The following MED16 variants were observed in gnomAD, a reference collection of about 807,000 sequenced individuals.
The protein encoded by MED16 is mediator complex subunit 16.
Under a neutral mutation model 84.4 loss-of-function variants are expected in MED16, and 81 were observed. That is an observed-to-expected ratio of 0.96 (90% CI 0.80 to 1.15). MED16 has a LOEUF of 1.15. Among genes scored for constraint, MED16 ranks in the 50% most tolerant of loss-of-function variants. The pLI is 0.00. For synonymous variants in MED16, 897 were observed against 552.2 expected, an observed-to-expected ratio of 1.62 and a Z score of -8.76; for missense variants, 1,585 against 1,245.9, an observed-to-expected ratio of 1.27 and a Z score of -4.10.
At chr19:872,570 A>G (rs1259528074) in intron 11 of MED16, among the ~76,000 whole-genome samples, 2 of 148,964 alleles carry the variant, frequency 1.3e-5, no homozygotes, top group Non-Finnish European at 3.0e-5. Flanking sequence ...GGCGCGGTGG[A>G]GAAGGGCGGG....
intron 6 of MED16, among the ~76,000 whole-genome samples, chr19:881,989 G>A (rs1437432775): frequency 6.6e-6 from 1 of 152,260 alleles, no homozygotes. Flanking sequence ...CGATGGGGCA[G>A]ACAGTGGGGA....
rs1432847504 is a variant in MED16 at position 877,003 on chromosome 19, ACTC to A, written c.1528_1530del (p.Glu510del). 5 of 1,610,650 alleles carry A rather than the reference ACTC, an allele frequency of 3.1e-6. No individual in the cohort carries two copies. The highest frequency in any genetic ancestry group is 2.2e-5 in the East Asian group (1 of 44,818). Reference sequence around the variant, plus strand: ...TGCAGGGCAGCGGTCTGGCGCGTGTACTCCTCGTGCAGCTTCTCCACCAGGCTC... The same window carrying A: ...TGCAGGGCAGCGGTCTGGCGCGTGTACTCGTGCAGCTTCTCCACCAGGCTC... On this transcript the variant is annotated inframe_deletion, in exon 9 of 16. Transcript: ENST00000325464.
chr19:890,718 C>T (rs190226024), intron 2 of MED16, among the ~76,000 whole-genome samples: 31 of 152,226 alleles, frequency 2.0e-4, no homozygotes, highest in Non-Finnish European at 4.0e-4. Context: ...AACCAACGCT[C>T]CAGCCCGATT....
intron 1 of MED16, among the ~76,000 whole-genome samples, chr19:891,920 G>A (rs566807417): frequency 1.4e-5 from 2 of 139,668 alleles, no homozygotes; most frequent in African/African-American, 5.5e-5. Flanking sequence ...CCGAGGCGGG[G>A]CTGAGTGTGA....
Position 889,871 on chromosome 19 carries a change from G to A in MED16, c.278-64C>T, listed in dbSNP as rs531800134. 5.9e-5 allele frequency: 89 copies of A among 1,517,588 alleles called. No homozygotes were observed. In the East Asian group the frequency reaches 1.3e-3, roughly 21 times the overall value. The allele number at this position is 1,517,588 out of a possible 1,614,324, so 94.0% of individuals were successfully genotyped here. ...TGGGCAGAGCACTGCGTTGCAGGAC[G>A]GCACAGCGCCTGGGGGAAGCCAGCC... On this transcript the variant is annotated intron_variant, in intron 3 of 15. Transcript: ENST00000325464.
In MED16 at chr19:871,152, C is replaced by T. The variant is rs1485548981; in HGVS notation, c.2200G>A (p.Ala734Thr). Residue 734 changes from alanine to threonine, a missense_variant, in exon 13 of 16, where the codon GCC becomes ACC. By Grantham distance (58) the Ala-to-Thr change is moderately conservative. Coordinates refer to ENST00000325464, the MANE Select transcript of MED16 (RefSeq NM_005481.3). ...AGGCGGCTAACCAGGCCGTCGCTGG[C>T]TGGCAGCCAGTCCAGGCTGGGGATA... is the stretch of plus-strand genomic sequence containing the variant. ...LLIPSLDWLP[A>T]SDGLVSRLQP... The T allele has an allele frequency of 1.3e-6, 2 of 1,548,326 alleles. No homozygotes were observed. The highest frequency in any genetic ancestry group is 1.2e-5 in the South Asian group (1 of 84,044).
chr19:878,805 C>T (rs1651881), intron 8 of MED16, among the ~76,000 whole-genome samples: 6,166 of 70,082 alleles, frequency 0.088, 8 homozygotes, highest in African/African-American at 0.11. Flanking sequence ...CCCAGCCCCA[C>T]GTGCCCCAGC....
At position 868,129 on chromosome 19, in the gene MED16, T is replaced by C. The variant is rs2035957575; in HGVS notation, c.2606A>G (p.Asp869Gly). 1.2e-6 allele frequency: 2 copies of C among 1,611,660 alleles called. No individual in the cohort carries two copies. The highest frequency in any genetic ancestry group is 1.7e-6 in the Non-Finnish European group (2 of 1,179,594). ...CGGACGGTCCTCTGGATGCAGATGG[T>C]CCAGGGATCTGGGGGTCCTGGGAGA... ...HHSPRTPRSLDHLHPEDRP is the reference protein window; with the variant it reads ...HHSPRTPRSLGHLHPEDRP The change falls in exon 16 of 16, where the codon GAC (aspartate) becomes GGC (glycine). Residue 869 changes from aspartate to glycine, a missense_variant. Physicochemically the swap from Asp to Gly is moderately conservative, Grantham distance 94. Coordinates refer to ENST00000325464, the MANE Select transcript of MED16 (RefSeq NM_005481.3).
intron 9 of MED16, among the ~76,000 whole-genome samples, chr19:876,129 G>A (rs916257980): frequency 6.6e-6 from 1 of 152,154 alleles, no homozygotes; most frequent in Non-Finnish European, 1.5e-5. Flanking sequence ...GCTGTGCCGT[G>A]AATGGGATTT....
At chr19:889,185 T>TCC (rs200150591) in intron 4 of MED16, among the ~76,000 whole-genome samples, 1 of 119,550 alleles carries the variant, frequency 8.4e-6, no homozygotes, top group East Asian at 2.6e-4. Context: ...ATCTTAACTG[T>TCC]CCCCCCCAAC....
At chr19:872,482 A>G (rs189800958) in intron 11 of MED16, among the ~76,000 whole-genome samples, 4 of 152,090 alleles carry the variant, frequency 2.6e-5, no homozygotes, top group Non-Finnish European at 4.4e-5. Context: ...AGGACCAGGG[A>G]AGGGAGGCCC....
chr19:890,820 T>TA, intron 2 of MED16, 143 bp downstream of exon 2: 1 of 898,938 alleles, frequency 1.1e-6, no homozygotes, highest in Non-Finnish European at 1.6e-6. Flanking sequence ...GCTGAGGCTC[T>TA]CACACAAGTT....
rs577113248 is a variant in MED16 at position 883,653 on chromosome 19, C to T, written c.985+1250G>A. Among the ~76,000 whole-genome samples the T allele has an allele frequency of 3.0e-4, 45 of 152,062 alleles. 1 individual carries two copies. The highest frequency in any genetic ancestry group is 5.6e-4 in the Non-Finnish European group (38 of 67,984). ...AGCAGGTGAGGACGGCTGCAGGAGA[C>T]GAGGAGGAGTGTCGGAGCCCAGGAC... On this transcript the variant is annotated intron_variant, in intron 6 of 15. Coordinates refer to ENST00000325464, the MANE Select transcript of MED16 (RefSeq NM_005481.3).
chr19:882,443 G>A (rs538995493), intron 6 of MED16, among the ~76,000 whole-genome samples: 17 of 152,298 alleles, frequency 1.1e-4, no homozygotes, highest in African/African-American at 3.4e-4. Flanking sequence ...AGGATTGCTC[G>A]AGCCCAGGAA....
rs138025525 is a variant in MED16, at chr19:890,337, G to A, written c.170-93C>T. 776 of 845,784 alleles carry A rather than the reference G, an allele frequency of 9.2e-4. 11 individuals carry two copies. The African/African-American group carries it at 0.012, about 13-fold the overall frequency. 52.4% of individuals were successfully genotyped at this position (845,784 alleles called of 1,614,324 possible). A position where few individuals can be genotyped will look rare whatever the true frequency, so the allele number is the denominator to read the frequency against. On this transcript the variant is annotated intron_variant, in intron 2 of 15. Coordinates refer to ENST00000325464, the MANE Select transcript of MED16 (RefSeq NM_005481.3). ...GCAGGCTCCAGGTAAGCCGGTGTGT[G>A]TCCCACCCCAGGAAGGTCACAGAAC...
intron 10 of MED16, 101 bp from the exon 11 acceptor site, chr19:873,683 G>C: frequency 7.2e-6 from 10 of 1,382,402 alleles, no homozygotes; most frequent in Non-Finnish European, 1.0e-5. Flanking sequence ...TGCCCACCCA[G>C]TACCAGGACA....
chr19:880,495 G>A (rs1028134297), intron 7 of MED16, among the ~76,000 whole-genome samples: 5 of 152,204 alleles, frequency 3.3e-5, no homozygotes, highest in Admixed American at 3.3e-4. Flanking sequence ...GTCCCAAAGA[G>A]AGGCATCTTA....
intron 7 of MED16, among the ~76,000 whole-genome samples, chr19:880,919 C>G (rs1186302750): frequency 1.4e-5 from 2 of 142,788 alleles, no homozygotes. Flanking sequence ...AATGAGACTC[C>G]AACTCAAAAA....
chr19:886,404 G>GT (rs1266789052), intron 4 of MED16, among the ~76,000 whole-genome samples: 1 of 152,228 alleles, frequency 6.6e-6, no homozygotes, highest in Non-Finnish European at 1.5e-5. Context: ...TGGAAGGAAC[G>GT]GCACCTTTGC....
Sources: allele counts gnomAD v4.1 joint callset (sites outside exome capture counted in the v4.1 genomes callset), GRCh38; gene constraint gnomAD v4.1.1; transcripts MANE v1.5; gene names NCBI Gene and HGNC (gene_info 2026-07-23, HGNC 2026-07-21).